The following WDR3 variants were observed in gnomAD, a reference collection of about 807,000 sequenced individuals.
The protein encoded by WDR3 is WD repeat domain 3.
A neutral mutation model predicts 123.7 loss-of-function variants in WDR3; 81 were observed. That is an observed-to-expected ratio of 0.65 (90% CI 0.55 to 0.79). The LOEUF is 0.79. Ranked by LOEUF, WDR3 falls within the 30% of genes least tolerant of loss-of-function variation. The pLI is 0.00. For synonymous variants in WDR3, 390 were observed against 388.8 expected (o/e 1.00, Z -0.04); for missense variants, 1,027 against 1,123.2 (o/e 0.91, Z 1.22).
chr1:117,943,418 C>T lies in WDR3; in HGVS notation c.1120C>T (p.Pro374Ser). 6.2e-7 allele frequency: 1 copy of T among 1,613,984 alleles called. No homozygotes were observed. Among genetic ancestry groups the T allele is most frequent in the Non-Finnish European group, 8.5e-7 (1 of 1,179,950 alleles). The change falls in exon 11 of 27, where the codon CCT becomes TCT. Residue 374 changes from proline to serine, a missense_variant. Physicochemically the swap from Pro to Ser is moderately conservative, Grantham distance 74. Transcript: ENST00000349139. ...CAGGTCCTTTGACTTGATTCATTCA[C>T]CTCACGGAGAGTTAAAGGCTGTCTT... The part of the protein sequence containing the change: ...KIKSFDLIHS[P>S]HGELKAVFLL...
Position 117,950,059 on chromosome 1 carries a change from C to A in WDR3, c.1675C>A (p.Pro559Thr), listed in dbSNP as rs1651554083. ...DEDVLCVSYSPNQKLLAVSLL... is the reference protein window; with the variant it reads ...DEDVLCVSYSTNQKLLAVSLL... ...AGATGTTCTGTGTGTCAGTTACTCT[C>A]CCAATCAAAAGCTATTGGCTGTGTC... The change falls in exon 15 of 27, where the codon CCC becomes ACC. Residue 559 changes from proline to threonine, a missense_variant. Physicochemically the swap from Pro to Thr is conservative, Grantham distance 38. Transcript: ENST00000349139. 1.9e-6 allele frequency: 3 copies of A among 1,613,812 alleles called. No homozygotes were observed. The highest frequency in any genetic ancestry group is 2.5e-6 in the Non-Finnish European group (3 of 1,179,940).
Position 117,954,105 on chromosome 1 carries a change from AAG to A in WDR3, c.2361+11_2361+12del. 5.0e-6 allele frequency: 8 copies of A among 1,608,632 alleles called. No homozygotes were observed. The highest frequency in any genetic ancestry group is 5.9e-6 in the Non-Finnish European group (7 of 1,176,714). On this transcript the variant is annotated splice_region_variant and intron_variant, in intron 22 of 26. Transcript: ENST00000349139. ...GTAAAGCTGCAGGGAAAGAGGTAAT[AAG>A]AGAGTACAGTAAGTTACAGTATCAA...
Position 117,943,465 on chromosome 1 carries a change from G to A in WDR3, c.1167G>A (p.Val389=), listed in dbSNP as rs1651252976. ...KAVFLLQNNL[V]ELYSLNPSLP... ...TCTTCCTGCTGCAGAACAACCTGGT[G>A]GAATTGTATTCACTGAATCCATCCT... Residue 389 remains valine, a synonymous_variant, in exon 11 of 27, where the codon GTG becomes GTA. Transcript: ENST00000349139. 1 of 1,614,080 alleles carries A rather than the reference G, an allele frequency of 6.2e-7. No individual in the cohort carries two copies. Among genetic ancestry groups the A allele is most frequent in the Non-Finnish European group, 8.5e-7 (1 of 1,180,022 alleles).
chr1:117,940,836 C>A lies in WDR3; in HGVS notation c.685C>A (p.Pro229Thr), dbSNP rs762642377. ...CATTTTTATAAAACAGATTGAAGAC[C>A]CGGAAGAACCAGACCCCAAGAAAAT... ...DIAYLQEIED[P>T]EEPDPKKIKG... Residue 229 changes from proline to threonine, a missense_variant, in exon 7 of 27, where the codon CCG becomes ACG. Transcript: ENST00000349139. The A allele has an allele frequency of 6.2e-7, 1 of 1,609,684 alleles. No homozygotes were observed. The highest frequency in any genetic ancestry group is 8.5e-7 in the Non-Finnish European group (1 of 1,178,876).
In WDR3 at chr1:117,958,711, T is replaced by C. The variant is rs187284831; in HGVS notation, c.2583-199T>C. Among the ~76,000 whole-genome samples, 7 of 152,062 alleles carry C rather than the reference T, an allele frequency of 4.6e-5. No individual in the cohort carries two copies. In the East Asian group the frequency reaches 1.3e-3, roughly 29 times the overall value. On this transcript the variant is annotated intron_variant, in intron 25 of 26. Transcript: ENST00000349139. ...GAATGTGTCATAAGGTTTAGGACAG[T>C]ATTTTTTAAGTTGTCATCAAATTGA... is the stretch of plus-strand genomic sequence containing the variant.
Position 117,950,066 on chromosome 1 carries a change from A to G in WDR3, c.1682A>G (p.Gln561Arg). 6.2e-7 allele frequency: 1 copy of G among 1,613,984 alleles called. No individual in the cohort carries two copies. Reference sequence around the variant, plus strand: ...CTGTGTGTCAGTTACTCTCCCAATCAAAAGCTATTGGCTGTGTCTTTGCTG... The same window carrying G: ...CTGTGTGTCAGTTACTCTCCCAATCGAAAGCTATTGGCTGTGTCTTTGCTG... ...DVLCVSYSPN[Q>R]KLLAVSLLDC... The change falls in exon 15 of 27, where the codon CAA becomes CGA. Residue 561 changes from glutamine to arginine, a missense_variant. Coordinates refer to ENST00000349139, the MANE Select transcript of WDR3 (RefSeq NM_006784.3).
chr1:117,944,826 C>A (rs369532527), intron 11 of WDR3, among the ~76,000 whole-genome samples: 2 of 152,034 alleles, frequency 1.3e-5, no homozygotes, highest in Non-Finnish European at 2.9e-5. Context: ...GTCAGCCTCC[C>A]GAGTAGCTGG....
In WDR3 at chr1:117,936,800, A is replaced by C. The variant is rs780952651; in HGVS notation, c.413A>C (p.Asn138Thr). ...DTDIIVWDVI[N>T]ESGLYRLKGH... ...GATATTATTGTATGGGATGTGATCA[A>C]TGAAAGTGGTCTGTACCGTCTAAAG... is the stretch of plus-strand genomic sequence containing the variant. The change falls in exon 4 of 27, where the codon AAT becomes ACT. Residue 138 changes from asparagine to threonine, a missense_variant. By Grantham distance (65) the Asn-to-Thr change is moderately conservative. Transcript: ENST00000349139. 3.1e-6 allele frequency: 5 copies of C among 1,612,746 alleles called. No individual in the cohort carries two copies. The highest frequency in any genetic ancestry group is 4.2e-6 in the Non-Finnish European group (5 of 1,179,242).
At chr1:117,942,323 A>C in intron 9 of WDR3, 114 bp from the exon 10 acceptor site, 1 of 815,376 alleles carries the variant, frequency 1.2e-6, no homozygotes, top group Non-Finnish European at 2.1e-6. Context: ...TGGTTAAGTG[A>C]CTTTTCCAGA....
At chr1:117,953,913 C>T in intron 21 of WDR3, 94 bp from the exon 22 acceptor site, 1 of 1,028,438 alleles carries the variant, frequency 9.7e-7, no homozygotes, top group Non-Finnish European at 1.4e-6. Context: ...GAAGCTATTT[C>T]ATTTGGCAAA....
chr1:117,937,355 A>G (rs1382265970), intron 4 of WDR3, among the ~76,000 whole-genome samples: 2 of 152,168 alleles, frequency 1.3e-5, no homozygotes, highest in Non-Finnish European at 2.9e-5. Context: ...ATCAAATATC[A>G]ACAATTTTAT....
intron 10 of WDR3, among the ~76,000 whole-genome samples, chr1:117,942,808 C>T (rs1438193820): frequency 6.7e-6 from 1 of 150,326 alleles, no homozygotes; most frequent in Non-Finnish European, 1.5e-5. Context: ...GTGTGTCCCA[C>T]GTTCAGAAAG....
intron 11 of WDR3, 152 bp downstream of exon 11, chr1:117,943,778 A>G: frequency 1.4e-6 from 1 of 700,660 alleles, no homozygotes; most frequent in Non-Finnish European, 2.2e-6. Flanking sequence ...CTTAGAGAAG[A>G]AAAAGTTGCC....
At position 117,957,104 on chromosome 1, in the gene WDR3, T is replaced by C. The variant is rs1260785772; in HGVS notation, c.2490T>C (p.Ser830=). ...LEESLLVLPF[S]YVPDILKLFN... Reference sequence around the variant, plus strand: ...AATCTCTACTTGTGCTGCCTTTCTCTTATGTCCCAGACATTCTTAAACTCT... The same window carrying C: ...AATCTCTACTTGTGCTGCCTTTCTCCTATGTCCCAGACATTCTTAAACTCT... The change falls in exon 25 of 27, where the codon TCT becomes TCC. Residue 830 remains serine, a synonymous_variant. Coordinates refer to ENST00000349139, the MANE Select transcript of WDR3 (RefSeq NM_006784.3). The C allele has an allele frequency of 6.2e-7, 1 of 1,608,118 alleles. No individual in the cohort carries two copies. Among genetic ancestry groups the C allele is most frequent in the African/African-American group, 1.3e-5 (1 of 74,570 alleles).
intron 12 of WDR3, 143 bp downstream of exon 12, chr1:117,946,322 G>A (rs950594158): frequency 3.8e-6 from 2 of 525,384 alleles, no homozygotes; most frequent in Non-Finnish European, 3.1e-6. Context: ...TACATATTTT[G>A]TTTACTGAAG....
chr1:117,963,731 A>G lies in WDR3; in HGVS notation c.*4284A>G, dbSNP rs1159252306. On this transcript the variant is annotated 3_prime_UTR_variant, in exon 27 of 27. Transcript: ENST00000349139. ...TTTCTGACTATAAGAAGAGGGGAAG[A>G]AACCTGGGGTCTAATACCTCAAATT... 1.4e-6 allele frequency: 2 copies of G among 1,435,198 alleles called. No homozygotes were observed. The highest frequency in any genetic ancestry group is 2.9e-5 in the African/African-American group (2 of 69,770). 88.9% of individuals were successfully genotyped at this position (1,435,198 alleles called of 1,614,324 possible).
intron 16 of WDR3, among the ~76,000 whole-genome samples, chr1:117,951,472 C>T (rs545871178): frequency 5.4e-5 from 8 of 147,958 alleles, no homozygotes; most frequent in Non-Finnish European, 8.9e-5. Flanking sequence ...GTGGTCAGTG[C>T]ACTAACAAAG....
At chr1:117,945,982 C>T in intron 11 of WDR3, 104 bp from the exon 12 acceptor site, 1 of 690,704 alleles carries the variant, frequency 1.4e-6, no homozygotes. Flanking sequence ...CTTTTATCTT[C>T]TTTTATGTTG....
Position 117,949,895 on chromosome 1 carries a change from C to T in WDR3, c.1610+59C>T, listed in dbSNP as rs372897564. 3.1e-6 allele frequency: 5 copies of T among 1,609,142 alleles called. No homozygotes were observed. The African/African-American group carries it at 4.0e-5, about 13-fold the overall frequency. On this transcript the variant is annotated intron_variant, in intron 14 of 26. Coordinates refer to ENST00000349139, the MANE Select transcript of WDR3 (RefSeq NM_006784.3). ...GTGAAAATGGGGAGCTATGGAATGG[C>T]CTTTTGACGTCTTATATCATTTGTT... is the stretch of plus-strand genomic sequence containing the variant.
Sources: allele counts gnomAD v4.1 joint callset (sites outside exome capture counted in the v4.1 genomes callset), GRCh38; gene constraint gnomAD v4.1.1; transcripts MANE v1.5; gene names NCBI Gene and HGNC (gene_info 2026-07-23, HGNC 2026-07-21).